Variants in MECOM observed in about 807,000 individuals in gnomAD.
MECOM encodes the protein MDS1 and EVI1 complex locus, also known as histone-lysine N-methyltransferase MECOM.
MECOM carries 13 observed loss-of-function variants against 116.3 expected under a neutral mutation model. The ratio of observed to expected loss-of-function variants is 0.11; its 90% CI spans 0.07 to 0.18. The LOEUF is 0.18. Among genes scored for constraint, MECOM ranks in the 10% least tolerant of loss-of-function variants. The pLI is 1.00. For missense variants in MECOM, 1,299 were observed against 1,509.0 expected, an observed-to-expected ratio of 0.86 and a Z score of 2.31; for synonymous variants, 528 against 535.2, an observed-to-expected ratio of 0.99 and a Z score of 0.19.
At chr3:169,388,633 G>C (rs1047167193) in intron 1 of MECOM, among the ~76,000 whole-genome samples, 2 of 152,196 alleles carry the variant, frequency 1.3e-5, no homozygotes, top group Non-Finnish European at 2.9e-5. Context: ...AATAGAATGG[G>C]AACTGCTGAT....
chr3:169,270,054 T>G (rs1280090248), intron 2 of MECOM, among the ~76,000 whole-genome samples: 1 of 151,962 alleles, frequency 6.6e-6, no homozygotes, highest in Non-Finnish European at 1.5e-5. Context: ...TACAGAGTCA[T>G]TAAAAAATAA....
intron 1 of MECOM, among the ~76,000 whole-genome samples, chr3:169,460,888 C>T (rs539124021): frequency 1.4e-4 from 22 of 152,234 alleles, no homozygotes; most frequent in Non-Finnish European, 2.4e-4. Context: ...AATTAATTTA[C>T]GGGAGAGTCC....
intron 1 of MECOM, among the ~76,000 whole-genome samples, chr3:169,475,294 T>G (rs1560323127): frequency 1.3e-5 from 2 of 152,168 alleles, no homozygotes; most frequent in Admixed American, 6.6e-5. Context: ...AATATAACCA[T>G]TTTAGTTCTA....
chr3:169,164,217 G>C (rs1472021841), intron 2 of MECOM, among the ~76,000 whole-genome samples: 1 of 152,058 alleles, frequency 6.6e-6, no homozygotes, highest in Non-Finnish European at 1.5e-5. Flanking sequence ...GGTCTGTCCT[G>C]CACCATCCTC....
rs1237813118 is a variant in MECOM, at chr3:169,090,200, C to A, written c.3201G>T (p.Leu1067Phe). 1.2e-6 allele frequency: 2 copies of A among 1,612,784 alleles called. No homozygotes were observed. The highest frequency in any genetic ancestry group is 4.5e-5 in the East Asian group (2 of 44,868). Reference sequence around the variant, plus strand: ...GCAAGTCTGAATTTTGACTGGTCACCAAAGCCTTTTCATCTTTAAAATGAC... The same window carrying A: ...GCAAGTCTGAATTTTGACTGGTCACAAAAGCCTTTTCATCTTTAAAATGAC... ...NGSHFKDEKA[L>F]VTSQNSDLLD... is the part of the protein sequence containing the mutation. Residue 1067 changes from leucine to phenylalanine, a missense_variant, in exon 15 of 17, where the codon TTG becomes TTT. By Grantham distance (22) the Leu-to-Phe change is conservative (BLOSUM62 0). Transcript: ENST00000651503.
In MECOM at chr3:169,287,061, G is replaced by A. The variant is rs542786626; in HGVS notation, c.375+94126C>T. Among the ~76,000 whole-genome samples the A allele has an allele frequency of 4.6e-5, 7 of 152,234 alleles. No homozygotes were observed. The South Asian group carries it at 1.5e-3, about 32-fold the overall frequency. On this transcript the variant is annotated intron_variant, in intron 2 of 16. Coordinates refer to ENST00000651503, the MANE Select transcript of MECOM (RefSeq NM_004991.4). ...AATGCCAAACCCCAGCTCGGCAGCT[G>A]GAGTCCTATTTCCTGGGCCCTCCGA...
At chr3:169,259,730 A>G (rs1261429016) in intron 2 of MECOM, among the ~76,000 whole-genome samples, 1 of 152,218 alleles carries the variant, frequency 6.6e-6, no homozygotes, top group Non-Finnish European at 1.5e-5. Context: ...CCTGTCTCAA[A>G]AAAACATATT....
intron 1 of MECOM, among the ~76,000 whole-genome samples, chr3:169,511,386 G>A (rs189384723): frequency 9.4e-4 from 143 of 152,282 alleles, no homozygotes; most frequent in African/African-American, 3.3e-3. Context: ...CAGCACAGTG[G>A]TGGAAAGTTC....
rs768849297 is a variant in MECOM, at chr3:169,090,038, G to A, written c.3363C>T (p.Thr1121=). 4 of 1,613,544 alleles carry A rather than the reference G, an allele frequency of 2.5e-6. No individual in the cohort carries two copies. The Admixed American group carries it at 6.7e-5, about 27-fold the overall frequency. ...EGNPEDDYEE[T]SALEMSCKTS... is the part of the protein sequence containing the mutation. ...TCTTGCAACTCATCTCCAGGGCACT[G>A]GTTTCTTCATAGTCATCCTCAGGGT... The change falls in exon 15 of 17, where the codon ACC becomes ACT. Residue 1121 remains threonine, a synonymous_variant. Transcript: ENST00000651503.
intron 2 of MECOM, among the ~76,000 whole-genome samples, chr3:169,260,094 T>C (rs1237895004): frequency 6.6e-6 from 1 of 152,250 alleles, no homozygotes; most frequent in East Asian, 1.9e-4. Context: ...GAAATGTTCA[T>C]TAATCTCTAA....
At chr3:169,312,555 A>C (rs932246707) in intron 2 of MECOM, among the ~76,000 whole-genome samples, 1 of 152,038 alleles carries the variant, frequency 6.6e-6, no homozygotes, top group Non-Finnish European at 1.5e-5. Context: ...TTTTTAATAG[A>C]GACGGGGTTT....
At chr3:169,205,165 A>G (rs1749740152) in intron 2 of MECOM, among the ~76,000 whole-genome samples, 1 of 152,164 alleles carries the variant, frequency 6.6e-6, no homozygotes, top group African/African-American at 2.4e-5. Context: ...AAGACCTTAC[A>G]TGCCAAGTCT....
intron 2 of MECOM, among the ~76,000 whole-genome samples, chr3:169,226,090 C>A (rs1478250119): frequency 6.6e-6 from 1 of 152,174 alleles, no homozygotes; most frequent in African/African-American, 2.4e-5. Context: ...TGAGCACGTC[C>A]CCATCTTGCC....
At chr3:169,386,671 A>T (rs945098442) in intron 1 of MECOM, among the ~76,000 whole-genome samples, 1 of 152,148 alleles carries the variant, frequency 6.6e-6, no homozygotes, top group Non-Finnish European at 1.5e-5. Context: ...TAATTTTCTG[A>T]TATCATAAAT....
At chr3:169,210,263 A>G (rs1405271819) in intron 2 of MECOM, among the ~76,000 whole-genome samples, 5 of 152,152 alleles carry the variant, frequency 3.3e-5, no homozygotes, top group African/African-American at 1.2e-4. Flanking sequence ...ATGGGTTGAT[A>G]GATGCAGCCA....
chr3:169,403,487 C>T (rs1015451431), intron 1 of MECOM, among the ~76,000 whole-genome samples: 10 of 152,114 alleles, frequency 6.6e-5, no homozygotes, highest in Non-Finnish European at 1.0e-4. Context: ...TTTTACAAGA[C>T]GTATTTTCTC....
At chr3:169,518,559 A>G (rs1322990646) in intron 1 of MECOM, among the ~76,000 whole-genome samples, 1 of 152,048 alleles carries the variant, frequency 6.6e-6, no homozygotes, top group Non-Finnish European at 1.5e-5. Context: ...ATATAAAACT[A>G]TATGTACTGT....
intron 2 of MECOM, among the ~76,000 whole-genome samples, chr3:169,313,649 T>C (rs1455124236): frequency 6.6e-6 from 1 of 152,230 alleles, no homozygotes; most frequent in African/African-American, 2.4e-5. Context: ...GATATTTTCA[T>C]CTTAGTCTAG....
At chr3:169,461,352 A>T (rs1006803595) in intron 1 of MECOM, among the ~76,000 whole-genome samples, 6 of 152,188 alleles carry the variant, frequency 3.9e-5, no homozygotes, top group Non-Finnish European at 7.4e-5. Context: ...TTACATAAAA[A>T]AGTTGTCAAC....
Sources: allele counts gnomAD v4.1 joint callset (sites outside exome capture counted in the v4.1 genomes callset), GRCh38; gene constraint gnomAD v4.1.1; transcripts MANE v1.5; gene names NCBI Gene and HGNC (gene_info 2026-07-23, HGNC 2026-07-21).